WNT6: variants seen among roughly 807,000 people sequenced by gnomAD.
WNT6 encodes Wnt family member 6.
Under a neutral mutation model 33.1 loss-of-function variants are expected in WNT6, and 27 were observed. The ratio of observed to expected loss-of-function variants is 0.82; its 90% CI spans 0.60 to 1.12. The LOEUF (loss-of-function observed/expected upper bound fraction) is 1.12, where lower values mean the gene tolerates loss of function less well. Ranked by LOEUF, WNT6 falls within the 50% of genes most tolerant of loss-of-function variation. WNT6 has a pLI of 0.00. For synonymous variants in WNT6, 249 were observed against 242.8 expected (o/e 1.03, Z -0.24); for missense variants, 494 against 535.3 (o/e 0.92, Z 0.76).
At position 218,874,044 on chromosome 2, in the gene WNT6, C is replaced by G. The variant is rs1002821064; in HGVS notation, c.*199C>G. The G allele has an allele frequency of 2.8e-5, 17 of 599,324 alleles. No homozygotes were observed. The highest frequency in any genetic ancestry group is 5.4e-6 in the Non-Finnish European group (2 of 369,184). The allele number at this position is 599,324 out of a possible 1,614,324, so 37.1% of individuals were successfully genotyped here. On this transcript the variant is annotated 3_prime_UTR_variant, in exon 4 of 4. Transcript: ENST00000233948. Reference sequence around the variant, plus strand: ...ACGAAGGCCCAGGGCGCCAGACGGCCCCGAAAAGGCGCTCGGGGAGCGTTT... The same window carrying G: ...ACGAAGGCCCAGGGCGCCAGACGGCGCCGAAAAGGCGCTCGGGGAGCGTTT...
chr2:218,866,538 G>C (rs1456412034), intron 1 of WNT6, among the ~76,000 whole-genome samples: 2 of 152,180 alleles, frequency 1.3e-5, no homozygotes, highest in African/African-American at 4.8e-5. Flanking sequence ...AGATGAATAA[G>C]GGTGTGGTGG....
chr2:218,871,056 C>T lies in WNT6; in HGVS notation c.110C>T (p.Pro37Leu), dbSNP rs769180401. 1 of 1,613,226 alleles carries T rather than the reference C, an allele frequency of 6.2e-7. No individual in the cohort carries two copies. The highest frequency in any genetic ancestry group is 8.5e-7 in the Non-Finnish European group (1 of 1,179,506). Residue 37 changes from proline (P) to leucine (L), a missense_variant, in exon 2 of 4, where the codon CCT (proline) becomes CTT (leucine). Transcript: ENST00000233948. The surrounding 1 kb of genome is among the most constrained non-coding windows in gnomAD (Gnocchi z 6.4). ...GTGGGCAGCCCCTTGGTTATGGACC[C>T]TACCAGCATCTGCAGGAAGGCACGG... ...WAVGSPLVMD[P>L]TSICRKARRL...
chr2:218,870,492 C>T (rs908277695), intron 1 of WNT6, among the ~76,000 whole-genome samples: 2 of 152,220 alleles, frequency 1.3e-5, no homozygotes, highest in African/African-American at 2.4e-5. Flanking sequence ...TCCAACATCT[C>T]GTGGCATTCT....
At position 218,871,136 on chromosome 2, in the gene WNT6, G is replaced by A. The variant is rs779584695; in HGVS notation, c.190G>A (p.Glu64Lys). The change falls in exon 2 of 4, where the codon GAG becomes AAG. Residue 64 changes from glutamate (E) to lysine (K), a missense_variant. By Grantham distance (56) the Glu-to-Lys change is moderately conservative. Coordinates refer to ENST00000233948, the MANE Select transcript of WNT6 (RefSeq NM_006522.4). The surrounding 1 kb of genome is among the most constrained non-coding windows in gnomAD (Gnocchi z 6.4). ...CCAGGCTGAGCCGGAAGTGGTGGCAGAGCTAGCTCGGGGCGCCCGGCTCGG... is the reference window on the plus strand; with the variant it reads ...CCAGGCTGAGCCGGAAGTGGTGGCAAAGCTAGCTCGGGGCGCCCGGCTCGG... ...LCQAEPEVVA[E>K]LARGARLGVR... 6.2e-7 allele frequency: 1 copy of A among 1,613,868 alleles called. No individual in the cohort carries two copies. The highest frequency in any genetic ancestry group is 2.2e-5 in the East Asian group (1 of 44,886).
At chr2:218,862,434 C>T (rs1189451581) in intron 1 of WNT6, among the ~76,000 whole-genome samples, 1 of 151,732 alleles carries the variant, frequency 6.6e-6, no homozygotes, top group Non-Finnish European at 1.5e-5. Flanking sequence ...CAACCTCTGT[C>T]TCCCCGGTTC....
At chr2:218,862,335 T>G (rs1166361686) in intron 1 of WNT6, among the ~76,000 whole-genome samples, 1 of 152,210 alleles carries the variant, frequency 6.6e-6, no homozygotes, top group Non-Finnish European at 1.5e-5. Context: ...TTTCTTTCTT[T>G]ATTTCTATTT....
rs540704699 is a variant in WNT6 at position 218,861,823 on chromosome 2, C to A, written c.80+1706C>A. 8.1e-4 allele frequency among the ~76,000 whole-genome samples: 124 copies of A among 152,234 alleles called. No individual in the cohort carries two copies. In the Middle Eastern group the frequency reaches 0.014, roughly 17 times the overall value. On this transcript the variant is annotated intron_variant, in intron 1 of 3. Transcript: ENST00000233948. ...TGTCCTCCTTCCATTGCCTTCTCTG[C>A]GCTCCCACTGTATCACATACATTGG...
chr2:218,870,624 G>A (rs188506952), intron 1 of WNT6, among the ~76,000 whole-genome samples: 3 of 152,288 alleles, frequency 2.0e-5, no homozygotes, highest in East Asian at 3.9e-4. Context: ...GTCTCTTGAC[G>A]ACACATGAAT....
chr2:218,861,941 C>T (rs1944313371), intron 1 of WNT6, among the ~76,000 whole-genome samples: 4 of 152,170 alleles, frequency 2.6e-5, no homozygotes, highest in African/African-American at 9.7e-5. Context: ...TTTAGGAGCC[C>T]TGAGGCCTAG....
At chr2:218,863,295 C>T (rs1013760567) in intron 1 of WNT6, among the ~76,000 whole-genome samples, 1 of 152,204 alleles carries the variant, frequency 6.6e-6, no homozygotes, top group South Asian at 2.1e-4. Context: ...GTCAGAGAAT[C>T]CTGGCCAGGT....
At chr2:218,864,089 C>T (rs1448479070) in intron 1 of WNT6, among the ~76,000 whole-genome samples, 4 of 152,140 alleles carry the variant, frequency 2.6e-5, no homozygotes, top group Non-Finnish European at 4.4e-5. Flanking sequence ...TCCCCACTTC[C>T]GCTCTGCTCC....
intron 1 of WNT6, among the ~76,000 whole-genome samples, chr2:218,869,962 G>C (rs1237444689): frequency 6.6e-6 from 1 of 152,186 alleles, no homozygotes; most frequent in Non-Finnish European, 1.5e-5. Context: ...GCTCATGCCT[G>C]TAATCCCAGC....
chr2:218,873,580 C>A lies in WNT6; in HGVS notation c.833C>A (p.Pro278Gln). The change falls in exon 4 of 4, where the codon CCG becomes CAG. Residue 278 changes from proline to glutamine, a missense_variant. Coordinates refer to ENST00000233948, the MANE Select transcript of WNT6 (RefSeq NM_006522.4). This position sits in a 1 kb window ranked among gnomAD's most constrained non-coding sequence, Gnocchi z 6.1. ...ALLPAVRTLK[P>Q]PGRADLLYAA... is the part of the protein sequence containing the mutation. ...CTGCCCGCCGTCCGCACGCTCAAGC[C>A]GCCGGGCCGAGCGGACCTCCTCTAC... 6.5e-7 allele frequency: 1 copy of A among 1,542,310 alleles called. No homozygotes were observed. The highest frequency in any genetic ancestry group is 8.7e-7 in the Non-Finnish European group (1 of 1,148,184).
intron 1 of WNT6, among the ~76,000 whole-genome samples, chr2:218,861,195 C>T (rs902256986): frequency 6.6e-6 from 1 of 152,140 alleles, no homozygotes; most frequent in Non-Finnish European, 1.5e-5. Flanking sequence ...AGTAGGATGC[C>T]CACACAGGGA....
In WNT6 at chr2:218,871,634, A is replaced by C. The variant is rs747009211; in HGVS notation, c.451A>C (p.Thr151Pro). ...APPRPSGLPGTPGPPGPAGSP... is the reference protein window; with the variant it reads ...APPRPSGLPGPPGPPGPAGSP... ...TCCCCGGCCCTCCGGCCTGCCCGGCACCCCCGGACCCCCTGGCCCCGCGGG... is the reference window on the plus strand; with the variant it reads ...TCCCCGGCCCTCCGGCCTGCCCGGCCCCCCCGGACCCCCTGGCCCCGCGGG... Residue 151 changes from threonine (T) to proline (P), a missense_variant, in exon 3 of 4, where the codon ACC becomes CCC. Physicochemically the swap from Thr to Pro is conservative, Grantham distance 38 (BLOSUM62 -1). Transcript: ENST00000233948. The surrounding 1 kb of genome is among the most constrained non-coding windows in gnomAD (Gnocchi z 6.4). The C allele has an allele frequency of 6.8e-7, 1 of 1,462,308 alleles. No individual in the cohort carries two copies. The highest frequency in any genetic ancestry group is 9.0e-7 in the Non-Finnish European group (1 of 1,112,116). 90.6% of individuals were successfully genotyped at this position (1,462,308 alleles called of 1,614,324 possible).
intron 1 of WNT6, among the ~76,000 whole-genome samples, chr2:218,865,644 T>G (rs922571289): frequency 6.6e-6 from 1 of 151,598 alleles, no homozygotes; most frequent in African/African-American, 2.4e-5. Flanking sequence ...TGTGAGGAGG[T>G]GGGGGATCAG....
chr2:218,864,896 G>C (rs996830370), intron 1 of WNT6, among the ~76,000 whole-genome samples: 1 of 152,366 alleles, frequency 6.6e-6, no homozygotes, highest in South Asian at 2.1e-4. Context: ...GCTCCAGGGT[G>C]GGGTGTGAAA....
intron 1 of WNT6, among the ~76,000 whole-genome samples, chr2:218,866,421 G>A (rs1369286957): frequency 8.5e-5 from 13 of 152,146 alleles, no homozygotes; most frequent in Admixed American, 8.5e-4. Flanking sequence ...GGAGACACAG[G>A]GATCCAGGCT....
Position 218,871,905 on chromosome 2 carries a change from A to G in WNT6, c.636+86A>G. 1 of 894,102 alleles carries G rather than the reference A, an allele frequency of 1.1e-6. No homozygotes were observed. The highest frequency in any genetic ancestry group is 1.5e-6 in the Non-Finnish European group (1 of 680,946). 55.4% of individuals were successfully genotyped at this position (894,102 alleles called of 1,614,324 possible). A position where few individuals can be genotyped will look rare whatever the true frequency, so the allele number is the denominator to read the frequency against. On this transcript the variant is annotated intron_variant, in intron 3 of 3. Coordinates refer to ENST00000233948, the MANE Select transcript of WNT6 (RefSeq NM_006522.4). The surrounding 1 kb of genome is among the most constrained non-coding windows in gnomAD (Gnocchi z 6.4). ...GCTTGAGGAAGTGTTGGCAGGAGTGAGGGTGTGTAGGTGGAGGGGGGCGTT... is the reference window on the plus strand; with the variant it reads ...GCTTGAGGAAGTGTTGGCAGGAGTGGGGGTGTGTAGGTGGAGGGGGGCGTT...
Sources: allele counts gnomAD v4.1 joint callset (sites outside exome capture counted in the v4.1 genomes callset), GRCh38; gene constraint gnomAD v4.1.1; non-coding constraint Gnocchi (gnomAD v3.1); transcripts MANE v1.5; gene names NCBI Gene and HGNC (gene_info 2026-07-23, HGNC 2026-07-21).